Variants in SUGCT observed in about 807,000 individuals in gnomAD.
SUGCT encodes succinyl-CoA:glutarate-CoA transferase, also known as succinyl-CoA:glutarate CoA-transferase.
In SUGCT, 41 loss-of-function variants were observed where a neutral mutation model predicts 55.0. That is an observed-to-expected ratio of 0.74 (90% CI 0.58 to 0.97). The LOEUF (loss-of-function observed/expected upper bound fraction) is 0.97. Ranked by LOEUF, SUGCT falls within the 50% of genes least tolerant of loss-of-function variation. The pLI, the probability that SUGCT is intolerant of heterozygous loss-of-function variation, is 0.00. For missense variants in SUGCT, 568 were observed against 547.8 expected (o/e 1.04, Z -0.37); for synonymous variants, 187 against 200.4 (o/e 0.93, Z 0.56).
At chr7:40,624,192 G>A (rs912056943) in intron 12 of SUGCT, among the ~76,000 whole-genome samples, 1 of 152,110 alleles carries the variant, frequency 6.6e-6, no homozygotes, top group Non-Finnish European at 1.5e-5. Flanking sequence ...CTGAGACAGA[G>A]CACCCACCTC....
At chr7:40,541,894 G>A (rs142744246) in intron 12 of SUGCT, among the ~76,000 whole-genome samples, 155 of 152,298 alleles carry the variant, frequency 1.0e-3, no homozygotes, top group African/African-American at 3.6e-3. Context: ...ATTTCATGGA[G>A]CGGGTGGCAT....
intron 9 of SUGCT, among the ~76,000 whole-genome samples, chr7:40,434,641 C>G (rs897070625): frequency 3.9e-5 from 6 of 152,084 alleles, no homozygotes; most frequent in African/African-American, 1.4e-4. Flanking sequence ...AGTAATTTAT[C>G]CTTCTGGTAT....
intron 12 of SUGCT, among the ~76,000 whole-genome samples, chr7:40,611,290 T>A (rs1197900482): frequency 6.6e-6 from 1 of 152,216 alleles, no homozygotes; most frequent in Admixed American, 6.5e-5. Context: ...TTATCATAAT[T>A]TATTAGCAAA....
intron 11 of SUGCT, among the ~76,000 whole-genome samples, chr7:40,469,414 G>A (rs915628802): frequency 6.6e-6 from 1 of 152,216 alleles, no homozygotes; most frequent in African/African-American, 2.4e-5. Flanking sequence ...TCAGCTAATA[G>A]ATGGTCCCTT....
intron 13 of SUGCT, among the ~76,000 whole-genome samples, chr7:40,789,556 T>A (rs1264257796): frequency 6.6e-6 from 1 of 152,188 alleles, no homozygotes; most frequent in East Asian, 1.9e-4. Context: ...TGTTTCTTAG[T>A]TACTATGCAT....
chr7:40,536,517 G>C (rs747217010), intron 12 of SUGCT, among the ~76,000 whole-genome samples: 6 of 152,194 alleles, frequency 3.9e-5, no homozygotes, highest in Non-Finnish European at 7.3e-5. Flanking sequence ...AGAATGGAAA[G>C]TTTTGGAATG....
At chr7:40,436,542 G>A (rs1788187505) in intron 9 of SUGCT, among the ~76,000 whole-genome samples, 1 of 152,092 alleles carries the variant, frequency 6.6e-6, no homozygotes, top group Non-Finnish European at 1.5e-5. Context: ...TTTGCTTGTA[G>A]GTAGTGAAAT....
intron 12 of SUGCT, among the ~76,000 whole-genome samples, chr7:40,643,998 C>G (rs1584194206): frequency 6.6e-6 from 1 of 152,270 alleles, no homozygotes; most frequent in South Asian, 2.1e-4. Context: ...CTCTGGAAAA[C>G]CTGTCGTTTG....
At chr7:40,278,857 C>T (rs1485656396) in intron 8 of SUGCT, among the ~76,000 whole-genome samples, 3 of 148,266 alleles carry the variant, frequency 2.0e-5, no homozygotes, top group African/African-American at 5.0e-5. Flanking sequence ...GATACGGTCT[C>T]GTGCTTTTGT....
the SUGCT span, among the ~76,000 whole-genome samples, chr7:40,994,504 C>G: frequency 6.6e-6 from 1 of 151,600 alleles, no homozygotes; most frequent in Non-Finnish European, 1.5e-5. Context: ...GATTGGAGCA[C>G]ATGCTGTGCA....
chr7:40,373,281 T>C (rs201362933), intron 9 of SUGCT, among the ~76,000 whole-genome samples: 1 of 2,962 alleles, frequency 3.4e-4, no homozygotes, highest in Non-Finnish European at 4.3e-3. Flanking sequence ...AATTAATATA[T>C]AGAATTCAGA....
At chr7:40,175,075 C>T (rs1784859726) in intron 1 of SUGCT, among the ~76,000 whole-genome samples, 1 of 152,078 alleles carries the variant, frequency 6.6e-6, no homozygotes, top group Non-Finnish European at 1.5e-5. Flanking sequence ...ATGTTCTTTT[C>T]CCACTTTTCC....
chr7:40,322,540 G>C (rs545550840), intron 9 of SUGCT, among the ~76,000 whole-genome samples: 1 of 152,306 alleles, frequency 6.6e-6, no homozygotes, highest in African/African-American at 2.4e-5. Context: ...AGCAGGAATT[G>C]AGGGAGCTCA....
intron 12 of SUGCT, among the ~76,000 whole-genome samples, chr7:40,622,327 TTGA>T (rs1584146752): frequency 2.0e-5 from 3 of 152,272 alleles, no homozygotes; most frequent in East Asian, 3.9e-4. Flanking sequence ...CTTCTGAAAC[TTGA>T]TGATAAATTT....
At chr7:40,598,290 C>G (rs1409409542) in intron 12 of SUGCT, among the ~76,000 whole-genome samples, 1 of 152,158 alleles carries the variant, frequency 6.6e-6, no homozygotes, top group Non-Finnish European at 1.5e-5. Context: ...CCCCTCTCTA[C>G]CAGTAGACTA....
the SUGCT span, among the ~76,000 whole-genome samples, chr7:40,941,733 A>G: frequency 2.0e-5 from 3 of 152,206 alleles, no homozygotes; most frequent in African/African-American, 4.8e-5. Context: ...TAATTGTTTT[A>G]TAAATCTGGG....
chr7:40,406,885 G>A (rs1027251711), intron 9 of SUGCT, among the ~76,000 whole-genome samples: 1 of 151,998 alleles, frequency 6.6e-6, no homozygotes, highest in Non-Finnish European at 1.5e-5. Flanking sequence ...TGATCATTTG[G>A]CATGGGACTA....
chr7:40,990,732 G>C, the SUGCT span, among the ~76,000 whole-genome samples: 1 of 152,220 alleles, frequency 6.6e-6, no homozygotes, highest in African/African-American at 2.4e-5. Context: ...TAGATAACTT[G>C]TTGTGGCTAC....
intron 9 of SUGCT, among the ~76,000 whole-genome samples, chr7:40,366,729 C>T (rs1783995055): frequency 6.6e-6 from 1 of 151,922 alleles, no homozygotes; most frequent in African/African-American, 2.4e-5. Flanking sequence ...CATCTCCCAC[C>T]AGTTAGAATG....
Sources: allele counts gnomAD v4.1 joint callset (sites outside exome capture counted in the v4.1 genomes callset), GRCh38; gene constraint gnomAD v4.1.1; transcripts MANE v1.5; gene names NCBI Gene and HGNC (gene_info 2026-07-23, HGNC 2026-07-21).